The following OTOG variants were observed in gnomAD, a reference collection of about 807,000 sequenced individuals.
OTOG encodes the protein otogelin.
In OTOG, 296 loss-of-function variants were observed where a neutral mutation model predicts 313.8. That is an observed-to-expected ratio of 0.94 (90% CI 0.86 to 1.04). OTOG has a LOEUF of 1.04. Among genes scored for constraint, OTOG ranks in the 50% least tolerant of loss-of-function variants. The probability of loss-of-function intolerance (pLI) is 0.00; values close to 1 mark genes in which losing one functional copy is unlikely to be tolerated. For missense variants in OTOG, 3,948 were observed against 3,840.1 expected (o/e 1.03, Z -0.74); for synonymous variants, 1,533 against 1,554.9 (o/e 0.99, Z 0.33).
Position 17,558,553 on chromosome 11 carries a change from T to C in OTOG, c.1012T>C (p.Cys338Arg), listed in dbSNP as rs1327116901. 1.1e-5 allele frequency: 17 copies of C among 1,550,358 alleles called. No homozygotes were observed. Among genetic ancestry groups the C allele is most frequent in the Non-Finnish European group, 1.4e-5 (16 of 1,146,984 alleles). Residue 338 changes from cysteine to arginine, a missense_variant, in exon 10 of 56, where the codon TGT becomes CGT. By Grantham distance (180) the Cys-to-Arg change is radical (BLOSUM62 -3). Coordinates refer to ENST00000399397, the MANE Select transcript of OTOG (RefSeq NM_001292063.2). ...PGTMQGVYEQ[C>R]EALLRPPFDA... ...CTTGCTCTAGGGCGTGTACGAGCAG[T>C]GTGAGGCTCTACTGCGGCCCCCCTT...
chr11:17,599,771 C>T, intron 31 of OTOG, 74 bp downstream of exon 31: 1 of 1,498,620 alleles, frequency 6.7e-7, no homozygotes, highest in South Asian at 1.2e-5. Context: ...CACACAGCAT[C>T]AGCCATCCCG....
At chr11:17,577,492 A>AG (rs1475284915) in intron 22 of OTOG, among the ~76,000 whole-genome samples, 7 of 152,234 alleles carry the variant, frequency 4.6e-5, no homozygotes, top group East Asian at 1.9e-4. Flanking sequence ...ATCATACAGT[A>AG]GGTGGTTAGG....
intron 25 of OTOG, among the ~76,000 whole-genome samples, chr11:17,591,844 A>T (rs1852948888): frequency 6.6e-6 from 1 of 152,324 alleles, no homozygotes; most frequent in African/African-American, 2.4e-5. Context: ...TTTTCTGTCT[A>T]TAATAGCAAG....
At chr11:17,624,912 G>A (rs959434234) in intron 39 of OTOG, among the ~76,000 whole-genome samples, 1 of 152,030 alleles carries the variant, frequency 6.6e-6, no homozygotes, top group Non-Finnish European at 1.5e-5. Context: ...GATTCTTTTC[G>A]TGGCAATTGT....
chr11:17,637,558 G>A (rs908952595), intron 47 of OTOG, among the ~76,000 whole-genome samples: 1 of 152,120 alleles, frequency 6.6e-6, no homozygotes, highest in African/African-American at 2.4e-5. Flanking sequence ...GGATTGATGG[G>A]TTCAAGTTAA....
At position 17,547,372 on chromosome 11, in the gene OTOG, T is replaced by C. The variant is rs1304298482; in HGVS notation, c.-1T>C. The stretch of plus-strand genomic sequence containing the variant: ...AAGTCCTCCGGTCCCCTCGTGTCCC[T>C]ATGGGAGTCCTGGCGTCTGCGCTCT... On this transcript the variant is annotated 5_prime_UTR_variant, in exon 1 of 56. Transcript: ENST00000399397. The C allele has an allele frequency of 4.3e-6, 6 of 1,391,378 alleles. No homozygotes were observed. The highest frequency in any genetic ancestry group is 5.6e-6 in the Non-Finnish European group (6 of 1,078,896). 86.2% of individuals were successfully genotyped at this position (1,391,378 alleles called of 1,614,324 possible).
intron 7 of OTOG, among the ~76,000 whole-genome samples, chr11:17,556,757 T>C (rs1350815213): frequency 6.6e-6 from 1 of 152,202 alleles, no homozygotes; most frequent in Non-Finnish European, 1.5e-5. Flanking sequence ...GCCCGCCATC[T>C]TTTCTTGCAC....
chr11:17,591,467 C>A lies in OTOG; in HGVS notation c.2885C>A (p.Ser962Ter). The change falls in exon 25 of 56, where the codon TCA (serine) becomes TAA (stop). Residue 962 changes from serine (S) to a stop codon, truncating the protein, a stop_gained. Transcript: ENST00000399397. LOFTEE classifies it high-confidence loss of function. ...TTTTTCAGTGTGTGCCAGCGGGGCTCATTCCAGTGCACCCTGCACCCTTGC... is the reference window on the plus strand; with the variant it reads ...TTTTTCAGTGTGTGCCAGCGGGGCTAATTCCAGTGCACCCTGCACCCTTGC... ...PCHTCVCQRG[S>*]FQCTLHPCAS... The A allele has an allele frequency of 6.4e-7, 1 of 1,550,728 alleles. No individual in the cohort carries two copies. The highest frequency in any genetic ancestry group is 8.7e-7 in the Non-Finnish European group (1 of 1,147,026).
chr11:17,598,487 A>G (rs968029577), intron 30 of OTOG, among the ~76,000 whole-genome samples: 3 of 152,070 alleles, frequency 2.0e-5, no homozygotes, highest in Admixed American at 1.3e-4. Flanking sequence ...ATTTATCTTG[A>G]TTACTGAGAT....
At chr11:17,551,868 C>T in intron 3 of OTOG, 132 bp from the exon 4 acceptor site, 1 of 738,566 alleles carries the variant, frequency 1.4e-6, no homozygotes, top group Non-Finnish European at 2.3e-6. Flanking sequence ...GGAGGAGTGG[C>T]TGGGGCACTG....
intron 1 of OTOG, 190 bp downstream of exon 1, chr11:17,547,656 G>A (rs959975150): frequency 1.8e-6 from 2 of 1,091,856 alleles, no homozygotes; most frequent in East Asian, 3.2e-5. Context: ...CTATGACCGC[G>A]GGGGAAAGAG....
intron 39 of OTOG, among the ~76,000 whole-genome samples, chr11:17,621,604 C>G (rs1450782146): frequency 1.3e-5 from 2 of 152,130 alleles, no homozygotes; most frequent in Non-Finnish European, 2.9e-5. Context: ...AGCTCTCTCT[C>G]TCTCTCTCTC....
At chr11:17,599,633 G>T (rs1853196117) in intron 30 of OTOG, 38 bp from the exon 31 acceptor site, 1 of 1,550,020 alleles carries the variant, frequency 6.5e-7, no homozygotes, top group Admixed American at 2.0e-5. Context: ...CCAGGCTCTG[G>T]GCTGGCTCTC....
chr11:17,561,824 C>T lies in OTOG; in HGVS notation c.1644+17C>T, dbSNP rs1413305798. 1 of 1,549,826 alleles carries T rather than the reference C, an allele frequency of 6.5e-7. No homozygotes were observed. The highest frequency in any genetic ancestry group is 8.7e-7 in the Non-Finnish European group (1 of 1,146,820). On this transcript the variant is annotated intron_variant, in intron 15 of 55. Coordinates refer to ENST00000399397, the MANE Select transcript of OTOG (RefSeq NM_001292063.2). Reference sequence around the variant, plus strand: ...TGTGGCCTGGTAAGAGCTGGGGATCCCCAGGCCCGATCCACCCAGCTACTC... The same window carrying T: ...TGTGGCCTGGTAAGAGCTGGGGATCTCCAGGCCCGATCCACCCAGCTACTC...
chr11:17,586,322 A>G (rs772372474), intron 23 of OTOG, among the ~76,000 whole-genome samples, 152 bp from the exon 24 acceptor site: 9 of 152,212 alleles, frequency 5.9e-5, no homozygotes, highest in Non-Finnish European at 8.8e-5. Flanking sequence ...CTCACTGAGC[A>G]GCAGCAGGAT....
intron 13 of OTOG, 66 bp downstream of exon 13, chr11:17,560,883 C>G: frequency 7.2e-7 from 1 of 1,388,722 alleles, no homozygotes; most frequent in Non-Finnish European, 1.0e-6. Flanking sequence ...CGAGGGCTGC[C>G]CATCTGGGAG....
At chr11:17,597,102 G>A (rs1853130378) in intron 30 of OTOG, 95 bp downstream of exon 30, 13 of 1,435,972 alleles carry the variant, frequency 9.1e-6, no homozygotes, top group Non-Finnish European at 1.2e-5. Flanking sequence ...CATTTACTGA[G>A]TACTTAGAAT....
intron 36 of OTOG, 98 bp from the exon 37 acceptor site, chr11:17,612,064 T>C (rs1853566726): frequency 7.1e-7 from 1 of 1,414,092 alleles, no homozygotes; most frequent in South Asian, 1.3e-5. Flanking sequence ...CCTGCCCCGC[T>C]AGGACCTACA....
intron 42 of OTOG, among the ~76,000 whole-genome samples, chr11:17,633,272 AAC>A (rs1280530986): frequency 6.6e-6 from 1 of 152,248 alleles, no homozygotes. Context: ...AAAGTTTGAA[AAC>A]ACTGATCTAG....
Sources: gnomAD v4.1 joint callset for allele counts (sites outside exome capture counted in the v4.1 genomes callset) on GRCh38, gnomAD v4.1.1 for gene constraint, MANE v1.5 for transcripts, NCBI Gene and HGNC (gene_info 2026-07-23, HGNC 2026-07-21) for gene names.